The following PABIR3 variants were observed in gnomAD, a reference collection of about 807,000 sequenced individuals.
PABIR3 encodes the protein PABIR family member 3, also known as PABIR family member 1.
A neutral mutation model predicts 23.1 loss-of-function variants in PABIR3; 20 were observed. The ratio of observed to expected loss-of-function variants is 0.86; its 90% CI spans 0.61 to 1.26. The LOEUF is 1.26. Ranked by LOEUF, PABIR3 falls within the 50% of genes most tolerant of loss-of-function variation. The pLI, the probability that PABIR3 is intolerant of heterozygous loss-of-function variation, is 0.00. For missense variants in PABIR3, 189 were observed against 195.4 expected, an observed-to-expected ratio of 0.97 and a Z score of 0.20; for synonymous variants, 69 against 68.5, an observed-to-expected ratio of 1.01 and a Z score of -0.04.
chrX:134,811,279 C>T (rs1237489373), intron 2 of PABIR3: 9 of 379,562 alleles, frequency 2.4e-5, no homozygotes, highest in Non-Finnish European at 3.0e-5. Context: ...GGAGTTTTTT[C>T]TTCTCTTTCT....
At chrX:134,843,458 G>C (rs2082314422) in intron 4 of PABIR3, among the ~76,000 whole-genome samples, 1 of 107,699 alleles carries the variant, frequency 9.3e-6, no homozygotes, top group Non-Finnish European at 1.9e-5. Flanking sequence ...TAGAGCTCCA[G>C]TTTTCTAAAC....
the PABIR3 span, among the ~76,000 whole-genome samples, chrX:134,864,095 G>T: frequency 9.1e-6 from 1 of 110,181 alleles, no homozygotes; most frequent in Admixed American, 9.8e-5. Context: ...TTGTTGCCCA[G>T]GCTCGAGTGC....
At chrX:134,842,603 G>A (rs150480929) in intron 4 of PABIR3, among the ~76,000 whole-genome samples, 1,625 of 110,346 alleles carry the variant, frequency 0.015, 20 homozygotes, top group Non-Finnish European at 0.023. Context: ...GCGAGACTCC[G>A]TCTCAAAAAA....
chrX:134,826,458 T>C (rs2081512124), intron 3 of PABIR3, among the ~76,000 whole-genome samples: 1 of 111,796 alleles, frequency 8.9e-6, no homozygotes, highest in African/African-American at 3.2e-5. Context: ...TAAAATCTGC[T>C]TCCAAGACTG....
At chrX:134,836,404 C>T (rs1307381756) in intron 4 of PABIR3, among the ~76,000 whole-genome samples, 1 of 112,774 alleles carries the variant, frequency 8.9e-6, no homozygotes, top group Non-Finnish European at 1.9e-5. Flanking sequence ...GCTGCCATTG[C>T]AAAGTATCAC....
intron 1 of PABIR3, chrX:134,797,014 CAG>C (rs1569438768): frequency 8.8e-6 from 1 of 113,650 alleles, no homozygotes; most frequent in East Asian, 2.8e-4. Context: ...GCCTCGAGGA[CAG>C]GTTGGGGGTT....
intron 10 of PABIR3, among the ~76,000 whole-genome samples, chrX:134,853,819 C>T (rs1423149335): frequency 9.0e-6 from 1 of 110,678 alleles, no homozygotes; most frequent in Non-Finnish European, 1.9e-5. Flanking sequence ...GGGGTTTCAC[C>T]TTATTGGTCA....
At chrX:134,824,547 C>T (rs1055909626) in intron 3 of PABIR3, among the ~76,000 whole-genome samples, 13 of 112,110 alleles carry the variant, frequency 1.2e-4, no homozygotes, top group Non-Finnish European at 2.1e-4. Flanking sequence ...TGCCTGTAAT[C>T]CCAGCACTTT....
chrX:134,824,524 G>T (rs2081422275), intron 3 of PABIR3, among the ~76,000 whole-genome samples: 1 of 112,312 alleles, frequency 8.9e-6, no homozygotes, highest in South Asian at 3.6e-4. Flanking sequence ...TCAGGGCCAG[G>T]CCCGGTGGCT....
At chrX:134,835,048 A>C (rs748900101) in intron 4 of PABIR3, 1 of 111,592 alleles carries the variant, frequency 9.0e-6, no homozygotes, top group Non-Finnish European at 1.9e-5. Flanking sequence ...CCTGTTAAAT[A>C]GTTTTTTTAA....
chrX:134,813,900 T>C (rs771686032), intron 2 of PABIR3, among the ~76,000 whole-genome samples: 1 of 110,646 alleles, frequency 9.0e-6, no homozygotes, highest in East Asian at 2.8e-4. Context: ...TCCATTGTTA[T>C]CATGGGAATG....
intron 3 of PABIR3, chrX:134,821,492 C>T (rs1475290144): frequency 4.3e-6 from 5 of 1,152,270 alleles, no homozygotes; most frequent in Non-Finnish European, 5.7e-6. Context: ...TCTGCTCAAG[C>T]CGGATGTCAC....
At chrX:134,827,481 T>A (rs1198290352) in intron 3 of PABIR3, among the ~76,000 whole-genome samples, 2 of 111,230 alleles carry the variant, frequency 1.8e-5, no homozygotes, top group African/African-American at 6.5e-5. Context: ...TGACCCTGCG[T>A]CTAGTCCCTC....
At chrX:134,821,539 A>G (rs1295383535) in intron 3 of PABIR3, 24 of 1,148,165 alleles carry the variant, frequency 2.1e-5, no homozygotes, top group African/African-American at 5.4e-5. Flanking sequence ...TCCTCTTCCA[A>G]AGGAAGCAGG....
intron 1 of PABIR3, among the ~76,000 whole-genome samples, chrX:134,800,517 C>T (rs1191740874): frequency 9.1e-6 from 1 of 110,351 alleles, no homozygotes; most frequent in Non-Finnish European, 1.9e-5. Context: ...CTTGGCCAGG[C>T]GTGGTGGCTC....
intron 8 of PABIR3, among the ~76,000 whole-genome samples, 184 bp from the exon 9 acceptor site, chrX:134,848,983 A>G (rs766942041): frequency 9.8e-5 from 11 of 112,079 alleles, no homozygotes; most frequent in Non-Finnish European, 1.5e-4. Context: ...AGCCTCGGTG[A>G]CAAGAGCCAA....
In PABIR3 at chrX:134,854,347, T is replaced by C; in HGVS notation, c.*130T>C. The stretch of plus-strand genomic sequence containing the variant: ...TATAATTTAAACTATCTCCTATTTA[T>C]CTTTTTTCCTCAATTTCCTAAAATT... On this transcript the variant is annotated 3_prime_UTR_variant, in exon 11 of 11. Coordinates refer to ENST00000645433, the MANE Select transcript of PABIR3 (RefSeq NM_001388447.1). The C allele has an allele frequency of 1.4e-6, 1 of 733,336 alleles. No homozygotes were observed. The highest frequency in any genetic ancestry group is 3.9e-5 in the East Asian group (1 of 25,723). The allele number at this position is 733,336 out of a possible 1,213,427, so 60.4% of individuals were successfully genotyped here. A position where few individuals can be genotyped will look rare whatever the true frequency, so the allele number is the denominator to read the frequency against.
intron 4 of PABIR3, among the ~76,000 whole-genome samples, chrX:134,841,396 A>G (rs2082226910): frequency 8.9e-6 from 1 of 112,232 alleles, no homozygotes. Context: ...ATGTTTGAGT[A>G]CATGCCTCCA....
the PABIR3 span, among the ~76,000 whole-genome samples, chrX:134,861,918 G>A: frequency 2.3e-4 from 25 of 110,174 alleles, no homozygotes; most frequent in East Asian, 7.2e-3. Context: ...ACATTCTCTT[G>A]TTAAGGGACA....
Sources: allele counts gnomAD v4.1 joint callset (sites outside exome capture counted in the v4.1 genomes callset), GRCh38; gene constraint gnomAD v4.1.1; transcripts MANE v1.5; gene names NCBI Gene and HGNC (gene_info 2026-07-23, HGNC 2026-07-21).